Variants in TACR1 observed in about 807,000 individuals in gnomAD.
TACR1 encodes the protein tachykinin receptor 1.
In TACR1, 25 loss-of-function variants were observed where a neutral mutation model predicts 35.8. The ratio of observed to expected loss-of-function variants is 0.70; its 90% CI spans 0.51 to 0.98. TACR1 has a LOEUF of 0.98. TACR1 is among the 50% of genes least tolerant of loss of function. The pLI, the probability that TACR1 is intolerant of heterozygous loss-of-function variation, is 0.00. For missense variants in TACR1, 478 were observed against 522.9 expected, an observed-to-expected ratio of 0.91 and a Z score of 0.84; for synonymous variants, 195 against 206.7, an observed-to-expected ratio of 0.94 and a Z score of 0.48.
chr2:75,100,706 T>G (rs1224532985), intron 2 of TACR1, among the ~76,000 whole-genome samples: 2 of 152,224 alleles, frequency 1.3e-5, no homozygotes, highest in African/African-American at 2.4e-5. Context: ...TACTATAAAG[T>G]AAGGGTTCAT....
intron 1 of TACR1, among the ~76,000 whole-genome samples, chr2:75,184,481 G>C (rs1412963761): frequency 6.6e-6 from 1 of 151,802 alleles, no homozygotes; most frequent in Non-Finnish European, 1.5e-5. Flanking sequence ...TAAGATTAAA[G>C]CTGATGATGA....
chr2:75,190,124 A>C (rs1476123930), intron 1 of TACR1, among the ~76,000 whole-genome samples: 1 of 152,246 alleles, frequency 6.6e-6, no homozygotes, highest in Non-Finnish European at 1.5e-5. Flanking sequence ...AAAGGCTAAA[A>C]AACACTGTAA....
At chr2:75,138,872 C>T (rs1674348334) in intron 1 of TACR1, among the ~76,000 whole-genome samples, 1 of 152,178 alleles carries the variant, frequency 6.6e-6, no homozygotes, top group Admixed American at 6.5e-5. Flanking sequence ...CCCCTCCTCT[C>T]AGGAAGCTCC....
chr2:75,171,339 C>A (rs139759288), intron 1 of TACR1, among the ~76,000 whole-genome samples: 1 of 152,336 alleles, frequency 6.6e-6, no homozygotes, highest in Non-Finnish European at 1.5e-5. Context: ...GTTTGGGAAC[C>A]TCTGCCTAGA....
intron 2 of TACR1, among the ~76,000 whole-genome samples, chr2:75,104,988 A>G (rs1027886923): frequency 6.6e-6 from 1 of 152,092 alleles, no homozygotes; most frequent in Admixed American, 6.6e-5. Context: ...AGTTCCTAAA[A>G]AAATTAAAAA....
chr2:75,101,601 C>T (rs1441184152), intron 2 of TACR1, among the ~76,000 whole-genome samples: 2 of 152,120 alleles, frequency 1.3e-5, no homozygotes, highest in East Asian at 3.8e-4. Flanking sequence ...GGCAAATCGT[C>T]ATCATGATTC....
At chr2:75,156,187 A>G (rs1674848056) in intron 1 of TACR1, 1 of 152,176 alleles carries the variant, frequency 6.6e-6, no homozygotes, top group Non-Finnish European at 1.5e-5. Flanking sequence ...GATAACAAGT[A>G]TTCTTGTAAG....
At chr2:75,137,728 C>CAAAAAAAAAAAAAAAAAA (rs11326632) in intron 1 of TACR1, among the ~76,000 whole-genome samples, 2 of 47,514 alleles carry the variant, frequency 4.2e-5, no homozygotes, top group Non-Finnish European at 7.0e-5. Context: ...GTCTCCGTCT[C>CAAAAAAAAAAAAAAAAAA]AAAAAAAAAA....
At chr2:75,163,915 A>G (rs923457449) in intron 1 of TACR1, among the ~76,000 whole-genome samples, 2 of 152,150 alleles carry the variant, frequency 1.3e-5, no homozygotes, top group African/African-American at 2.4e-5. Flanking sequence ...TGATTCTTCT[A>G]TTTCTTTGGA....
chr2:75,051,074 C>T, intron 4 of TACR1, 177 bp downstream of exon 4: 1 of 746,994 alleles, frequency 1.3e-6, no homozygotes, highest in Non-Finnish European at 2.2e-6. Flanking sequence ...CTCCGGGCTC[C>T]CATTCCTGGA....
rs138019424 is a variant in TACR1, at chr2:75,174,468, G to C, written c.389+24078C>G. Among the ~76,000 whole-genome samples, 823 of 151,324 alleles carry C rather than the reference G, an allele frequency of 5.4e-3. 5 individuals carry two copies. Among genetic ancestry groups the C allele is most frequent in the African/African-American group, 0.017 (703 of 41,460 alleles). ...GGACAAAGTGATGATTTACGTCCTGGGTGGGCTGGAGTGGGACAGTGTGAA... is the reference window on the plus strand; with the variant it reads ...GGACAAAGTGATGATTTACGTCCTGCGTGGGCTGGAGTGGGACAGTGTGAA... On this transcript the variant is annotated intron_variant, in intron 1 of 4. Coordinates refer to ENST00000305249, the MANE Select transcript of TACR1 (RefSeq NM_001058.4).
chr2:75,092,285 C>T (rs893582191), intron 2 of TACR1, among the ~76,000 whole-genome samples: 12 of 152,058 alleles, frequency 7.9e-5, no homozygotes, highest in Admixed American at 1.3e-4. Context: ...TTAAAAACCT[C>T]CCTGCTTGAT....
At chr2:75,123,885 A>G (rs924220826) in intron 1 of TACR1, among the ~76,000 whole-genome samples, 1 of 152,134 alleles carries the variant, frequency 6.6e-6, no homozygotes, top group African/African-American at 2.4e-5. Flanking sequence ...ACATACATTT[A>G]TATATTTATC....
intron 1 of TACR1, among the ~76,000 whole-genome samples, chr2:75,157,641 A>C (rs906852056): frequency 6.6e-6 from 1 of 152,240 alleles, no homozygotes; most frequent in African/African-American, 2.4e-5. Context: ...AGTCAGGAAG[A>C]GGAGTGCCCT....
chr2:75,128,726 A>G (rs1553378073), intron 1 of TACR1, among the ~76,000 whole-genome samples: 1 of 152,112 alleles, frequency 6.6e-6, no homozygotes, highest in Non-Finnish European at 1.5e-5. Flanking sequence ...GTAATGTACC[A>G]TTTCATTTCC....
chr2:75,094,859 A>ATATTTATTTTT, intron 2 of TACR1, among the ~76,000 whole-genome samples: 1 of 113,134 alleles, frequency 8.8e-6, no homozygotes, highest in Non-Finnish European at 1.7e-5. Context: ...ATATATATAT[A>ATATTTATTTTT]TTTTTTTTTT....
At position 75,138,908 on chromosome 2, in the gene TACR1, A is replaced by G. The variant is rs575298951; in HGVS notation, c.390-18140T>C. Among the ~76,000 whole-genome samples, 23 of 152,336 alleles carry G rather than the reference A, an allele frequency of 1.5e-4. No homozygotes were observed. The South Asian group carries it at 4.4e-3, about 29-fold the overall frequency. ...AGTTTTATGAGAGTGATGCATAGCAATTAACTAAACCTACAAATACCTGTG... is the reference window on the plus strand; with the variant it reads ...AGTTTTATGAGAGTGATGCATAGCAGTTAACTAAACCTACAAATACCTGTG... On this transcript the variant is annotated intron_variant, in intron 1 of 4. Transcript: ENST00000305249.
intron 1 of TACR1, among the ~76,000 whole-genome samples, chr2:75,129,965 G>C (rs1028736019): frequency 1.3e-5 from 2 of 152,200 alleles, no homozygotes. Flanking sequence ...TCTTTTATTC[G>C]AACTAAAAAG....
At chr2:75,154,406 G>GCGCGCA (rs1264139655) in intron 1 of TACR1, 1 of 78,514 alleles carries the variant, frequency 1.3e-5, no homozygotes, top group Non-Finnish European at 2.5e-5. Context: ...CCAAGAGCGC[G>GCGCGCA]CACGCACACA....
Sources: allele counts gnomAD v4.1 joint callset (sites outside exome capture counted in the v4.1 genomes callset), GRCh38; gene constraint gnomAD v4.1.1; transcripts MANE v1.5; gene names NCBI Gene and HGNC (gene_info 2026-07-23, HGNC 2026-07-21).